The following TECRL variants were observed in gnomAD, a reference collection of about 807,000 sequenced individuals.
The protein encoded by TECRL is trans-2,3-enoyl-CoA reductase like.
Under a neutral mutation model 52.8 loss-of-function variants are expected in TECRL, and 63 were observed. The observed-to-expected ratio is 1.19, with a 90% CI of 0.97 to 1.47. The LOEUF (loss-of-function observed/expected upper bound fraction) is 1.47, where lower values mean the gene tolerates loss of function less well. Ranked by LOEUF, TECRL falls within the 40% of genes most tolerant of loss-of-function variation. TECRL has a pLI of 0.00. For missense variants in TECRL, 482 were observed against 429.6 expected (o/e 1.12, Z -1.08); for synonymous variants, 164 against 141.9 (o/e 1.16, Z -1.10).
At chr4:64,327,465 C>T (rs1462879422) in intron 3 of TECRL, among the ~76,000 whole-genome samples, 1 of 152,042 alleles carries the variant, frequency 6.6e-6, no homozygotes, top group Non-Finnish European at 1.5e-5. Context: ...TCATATATGT[C>T]AACATCCATG....
At chr4:64,362,922 A>G (rs1211144091) in intron 2 of TECRL, among the ~76,000 whole-genome samples, 1 of 152,128 alleles carries the variant, frequency 6.6e-6, no homozygotes, top group Non-Finnish European at 1.5e-5. Flanking sequence ...AAGCAAGACC[A>G]AACTGTAGGC....
intron 1 of TECRL, among the ~76,000 whole-genome samples, chr4:64,382,274 T>C (rs939358666): frequency 4.2e-5 from 6 of 144,372 alleles, no homozygotes; most frequent in Admixed American, 3.5e-4. Flanking sequence ...TTATATATTA[T>C]ATATTATATT....
chr4:64,325,365 C>G (rs1718193354), intron 3 of TECRL, among the ~76,000 whole-genome samples: 2 of 152,128 alleles, frequency 1.3e-5, no homozygotes, highest in African/African-American at 4.8e-5. Context: ...CACCAGGGAA[C>G]AAGCATTTCC....
intron 1 of TECRL, among the ~76,000 whole-genome samples, chr4:64,382,278 TTA>T (rs1222303013): frequency 6.9e-6 from 1 of 144,362 alleles, no homozygotes. Context: ...ATATTATATA[TTA>T]TATTATATTA....
At chr4:64,328,409 A>G (rs1186038602) in intron 3 of TECRL, 103 bp downstream of exon 3, 4 of 931,112 alleles carry the variant, frequency 4.3e-6, no homozygotes, top group Non-Finnish European at 6.7e-6. Flanking sequence ...ATTAAATAAT[A>G]CTAATATTTG....
intron 9 of TECRL, among the ~76,000 whole-genome samples, chr4:64,282,020 G>C (rs1184939995): frequency 1.3e-5 from 2 of 151,710 alleles, no homozygotes; most frequent in African/African-American, 4.8e-5. Context: ...AAAGTCATAA[G>C]GAATTTTATA....
intron 2 of TECRL, among the ~76,000 whole-genome samples, chr4:64,340,859 C>A (rs530982061): frequency 1.3e-5 from 2 of 152,180 alleles, no homozygotes; most frequent in Admixed American, 6.5e-5. Flanking sequence ...AGTACACTTC[C>A]TTCCATCTGA....
intron 3 of TECRL, among the ~76,000 whole-genome samples, chr4:64,325,540 T>C (rs886505679): frequency 6.6e-6 from 1 of 152,178 alleles, no homozygotes; most frequent in Admixed American, 6.6e-5. Context: ...ATAGTTTTTT[T>C]ATACTGCTAA....
chr4:64,288,078 G>C (rs1000395473), intron 9 of TECRL, among the ~76,000 whole-genome samples: 3 of 151,848 alleles, frequency 2.0e-5, no homozygotes, highest in Non-Finnish European at 2.9e-5. Context: ...ACCGCTTAAA[G>C]GCAGAAGTTG....
chr4:64,372,436 G>T (rs1242413774), intron 2 of TECRL, among the ~76,000 whole-genome samples: 1 of 151,748 alleles, frequency 6.6e-6, no homozygotes, highest in African/African-American at 2.4e-5. Flanking sequence ...ATGAAGAGTG[G>T]TTTTCTCTCT....
chr4:64,337,767 G>A (rs989739370), intron 2 of TECRL, among the ~76,000 whole-genome samples: 13 of 152,132 alleles, frequency 8.5e-5, no homozygotes, highest in Non-Finnish European at 1.3e-4. Context: ...ACTGCTCAAT[G>A]AAATAAAAGA....
intron 2 of TECRL, among the ~76,000 whole-genome samples, chr4:64,340,446 T>C (rs1435136619): frequency 6.6e-6 from 1 of 152,176 alleles, no homozygotes; most frequent in Non-Finnish European, 1.5e-5. Context: ...CAGTGCCCAC[T>C]CCAATTTCAG....
chr4:64,395,619 C>A (rs1723890160), intron 1 of TECRL, among the ~76,000 whole-genome samples: 1 of 152,082 alleles, frequency 6.6e-6, no homozygotes, highest in African/African-American at 2.4e-5. Flanking sequence ...GAGATTATTT[C>A]CCCAAAATAC....
chr4:64,328,051 A>G (rs1718380433), intron 3 of TECRL, among the ~76,000 whole-genome samples: 1 of 151,994 alleles, frequency 6.6e-6, no homozygotes, highest in Non-Finnish European at 1.5e-5. Context: ...TTGAGATCAT[A>G]GGGTTTAAAA....
intron 2 of TECRL, among the ~76,000 whole-genome samples, chr4:64,363,653 C>T (rs1721358633): frequency 6.6e-6 from 1 of 152,100 alleles, no homozygotes; most frequent in Non-Finnish European, 1.5e-5. Flanking sequence ...AAGGTAAAAA[C>T]ATTTTTAAAT....
intron 1 of TECRL, among the ~76,000 whole-genome samples, chr4:64,399,862 C>A (rs184323224): frequency 6.6e-6 from 1 of 152,290 alleles, no homozygotes; most frequent in East Asian, 1.9e-4. Flanking sequence ...TCTACTAGGG[C>A]AGTGGGAAGC....
intron 10 of TECRL, 63 bp from the exon 11 acceptor site, chr4:64,281,149 G>C: frequency 7.9e-7 from 1 of 1,273,258 alleles, no homozygotes; most frequent in Admixed American, 1.9e-5. Flanking sequence ...GTTCATTTGT[G>C]GCTTTAACAG....
At chr4:64,408,686 C>T (rs1268106973) in intron 1 of TECRL, among the ~76,000 whole-genome samples, 1 of 151,970 alleles carries the variant, frequency 6.6e-6, no homozygotes, top group Non-Finnish European at 1.5e-5. Flanking sequence ...TTACATGTTA[C>T]TTCTAACAAC....
chr4:64,346,887 T>C (rs1720027668), intron 2 of TECRL, among the ~76,000 whole-genome samples: 1 of 152,252 alleles, frequency 6.6e-6, no homozygotes, highest in South Asian at 2.1e-4. Context: ...AACTAAACCC[T>C]GTCCTTACTT....
Sources: allele counts gnomAD v4.1 joint callset (sites outside exome capture counted in the v4.1 genomes callset), GRCh38; gene constraint gnomAD v4.1.1; transcripts MANE v1.5; gene names NCBI Gene and HGNC (gene_info 2026-07-23, HGNC 2026-07-21).